SLC22A2: variants seen among roughly 807,000 people sequenced by gnomAD.
SLC22A2 encodes the protein organic cation transporter 2.
A neutral mutation model predicts 60.5 loss-of-function variants in SLC22A2; 46 were observed. The ratio of observed to expected loss-of-function variants is 0.76; its 90% CI spans 0.60 to 0.97. The LOEUF (loss-of-function observed/expected upper bound fraction) is 0.97, where lower values mean the gene tolerates loss of function less well. Ranked by LOEUF, SLC22A2 falls within the 50% of genes least tolerant of loss-of-function variation. The probability of loss-of-function intolerance (pLI) is 0.00; values close to 1 mark genes in which losing one functional copy is unlikely to be tolerated. For synonymous variants in SLC22A2, 303 were observed against 267.0 expected (o/e 1.13, Z -1.31); for missense variants, 701 against 706.6 (o/e 0.99, Z 0.09).
At chr6:160,221,387 A>G (rs763839117) in intron 10 of SLC22A2, among the ~76,000 whole-genome samples, 31 of 152,180 alleles carry the variant, frequency 2.0e-4, no homozygotes, top group Non-Finnish European at 3.5e-4. Flanking sequence ...GACCGGTTTG[A>G]TCTTCTATCC....
At chr6:160,243,513 G>T in intron 7 of SLC22A2, 59 bp downstream of exon 7, 1 of 1,239,296 alleles carries the variant, frequency 8.1e-7, no homozygotes, top group Non-Finnish European at 1.2e-6. Context: ...TCAATGGGCC[G>T]TGACACTCCC....
intron 6 of SLC22A2, 54 bp from the exon 7 acceptor site, chr6:160,243,840 A>G (rs1469309753): frequency 7.9e-7 from 1 of 1,259,270 alleles, no homozygotes; most frequent in African/African-American, 1.5e-5. Flanking sequence ...AGGGCACCAA[A>G]AAAGAGAGGC....
intron 4 of SLC22A2, among the ~76,000 whole-genome samples, chr6:160,247,753 G>A (rs776242529): frequency 1.3e-5 from 2 of 152,352 alleles, no homozygotes; most frequent in East Asian, 1.9e-4. Context: ...AGACTTCATA[G>A]TTTGAGTTTG....
At chr6:160,249,162 C>G (rs2114868438) in intron 4 of SLC22A2, 54 bp downstream of exon 4, 1 of 1,308,626 alleles carries the variant, frequency 7.6e-7, no homozygotes, top group Non-Finnish European at 1.1e-6. Context: ...AGGCAGACTT[C>G]TTAGCAGAAT....
intron 2 of SLC22A2, among the ~76,000 whole-genome samples, chr6:160,252,358 T>C (rs942134893): frequency 5.3e-5 from 8 of 152,174 alleles, no homozygotes; most frequent in Non-Finnish European, 1.0e-4. Flanking sequence ...TTTTAGGTGA[T>C]GAGAGGGAAT....
At chr6:160,238,408 C>T (rs1040844852) in intron 9 of SLC22A2, among the ~76,000 whole-genome samples, 2 of 152,212 alleles carry the variant, frequency 1.3e-5, no homozygotes, top group African/African-American at 4.8e-5. Context: ...CAGCTGGCAT[C>T]TGAATCTCTG....
At chr6:160,248,171 A>C (rs1783126816) in intron 4 of SLC22A2, among the ~76,000 whole-genome samples, 1 of 152,170 alleles carries the variant, frequency 6.6e-6, no homozygotes, top group Non-Finnish European at 1.5e-5. Flanking sequence ...TGTGGCAGGT[A>C]ATTAAGTTTA....
intron 4 of SLC22A2, among the ~76,000 whole-genome samples, chr6:160,248,992 T>A (rs1783139841): frequency 1.3e-5 from 2 of 152,122 alleles, no homozygotes; most frequent in South Asian, 4.1e-4. Context: ...AAGATCCAAG[T>A]CATAAAAACT....
intron 9 of SLC22A2, among the ~76,000 whole-genome samples, chr6:160,230,266 C>A (rs74673957): frequency 1.3e-5 from 2 of 151,966 alleles, no homozygotes; most frequent in Admixed American, 1.3e-4. Context: ...AGCCCTCCCC[C>A]ACCTGCCCAG....
chr6:160,233,074 C>A (rs1782850997), intron 9 of SLC22A2, among the ~76,000 whole-genome samples: 1 of 151,998 alleles, frequency 6.6e-6, no homozygotes, highest in Non-Finnish European at 1.5e-5. Context: ...TTCCACTACT[C>A]CCCAGGAATT....
At position 160,256,899 on chromosome 6, in the gene SLC22A2, TC is replaced by T. The variant is rs1783283096; in HGVS notation, c.415-183del. On this transcript the variant is annotated intron_variant, in intron 1 of 10. Transcript: ENST00000366953. ...CAATTTTCTTCTTCTTCTCTCTCTC[TC>T]TCTTTTTTTTTTTTTTTTGTGAGAC... Among the ~76,000 whole-genome samples, 5 of 143,524 alleles carry T rather than the reference TC, an allele frequency of 3.5e-5. 1 individual carries two copies. The highest frequency in any genetic ancestry group is 1.1e-4 in the African/African-American group (4 of 38,044). 94.2% of individuals were successfully genotyped at this position (143,524 alleles called of 152,430 possible). A position where few individuals can be genotyped will look rare whatever the true frequency, so the allele number is the denominator to read the frequency against.
chr6:160,217,315 A>G lies in SLC22A2; in HGVS notation c.*117T>C. Reference sequence around the variant, plus strand: ...CCACTGGCTGTAGACCTAGGTTGATAGGGCTCAGGGGTAAGTTTGGTTGAG... The same window carrying G: ...CCACTGGCTGTAGACCTAGGTTGATGGGGCTCAGGGGTAAGTTTGGTTGAG... On this transcript the variant is annotated 3_prime_UTR_variant, in exon 11 of 11. Coordinates refer to ENST00000366953, the MANE Select transcript of SLC22A2 (RefSeq NM_003058.4). The G allele has an allele frequency of 1.6e-6, 1 of 620,312 alleles. No homozygotes were observed. Among genetic ancestry groups the G allele is most frequent in the Non-Finnish European group, 2.8e-6 (1 of 352,674 alleles). 38.4% of individuals were successfully genotyped at this position (620,312 alleles called of 1,614,324 possible).
At chr6:160,229,940 C>T (rs755941869) in intron 9 of SLC22A2, among the ~76,000 whole-genome samples, 19 of 151,746 alleles carry the variant, frequency 1.3e-4, no homozygotes, top group Non-Finnish European at 1.8e-4. Context: ...AATGGGCAAA[C>T]GGTCTGAGGT....
At position 160,242,401 on chromosome 6, in the gene SLC22A2, A is replaced by G. The variant is rs1562435504; in HGVS notation, c.1281T>C (p.Asp427=). 2 of 1,528,870 alleles carry G rather than the reference A, an allele frequency of 1.3e-6. No individual in the cohort carries two copies. The highest frequency in any genetic ancestry group is 1.7e-4 in the Middle Eastern group (1 of 5,920). The allele number at this position is 1,528,870 out of a possible 1,614,324, so 94.7% of individuals were successfully genotyped here. Residue 427 remains aspartate (D), a splice_region_variant and synonymous_variant, in exon 8 of 11, where the codon GAT becomes GAC. Coordinates refer to ENST00000366953, the MANE Select transcript of SLC22A2 (RefSeq NM_003058.4). Reference sequence around the variant, plus strand: ...AGATAATAATTTTTAGCCATTGTAGATCTAAGAGGGAAAAGAACAGTACTT... The same window carrying G: ...AGATAATAATTTTTAGCCATTGTAGGTCTAAGAGGGAAAAGAACAGTACTT... ...ACLASVFIPG[D]LQWLKIIISC...
chr6:160,224,115 C>G (rs1782686147), intron 10 of SLC22A2, among the ~76,000 whole-genome samples: 1 of 152,172 alleles, frequency 6.6e-6, no homozygotes, highest in Admixed American at 6.5e-5. Flanking sequence ...CTACATTTCT[C>G]CCCATTCTTC....
intron 9 of SLC22A2, among the ~76,000 whole-genome samples, chr6:160,238,704 G>T (rs1782952016): frequency 6.6e-6 from 1 of 152,128 alleles, no homozygotes; most frequent in South Asian, 2.1e-4. Flanking sequence ...TCATACTAAA[G>T]GTTAGTGAGG....
At chr6:160,223,143 AG>A (rs1487125514) in intron 10 of SLC22A2, among the ~76,000 whole-genome samples, 1 of 152,230 alleles carries the variant, frequency 6.6e-6, no homozygotes, top group East Asian at 1.9e-4. Context: ...CCAAAAGTGG[AG>A]TAAGAAGAAA....
intron 1 of SLC22A2, among the ~76,000 whole-genome samples, 181 bp from the exon 2 acceptor site, chr6:160,256,898 C>CTATTT (rs1562439893): frequency 6.8e-6 from 1 of 146,014 alleles, no homozygotes; most frequent in African/African-American, 2.6e-5. Context: ...TTCTCTCTCT[C>CTATTT]TCTCTTTTTT....
At chr6:160,229,604 G>T (rs202201386) in intron 9 of SLC22A2, among the ~76,000 whole-genome samples, 1 of 151,412 alleles carries the variant, frequency 6.6e-6, no homozygotes, top group African/African-American at 2.4e-5. Flanking sequence ...TTCCTGGGGG[G>T]CAAGCACCTC....
Sources: gnomAD v4.1 joint callset for allele counts (sites outside exome capture counted in the v4.1 genomes callset) on GRCh38, gnomAD v4.1.1 for gene constraint, MANE v1.5 for transcripts, NCBI Gene and HGNC (gene_info 2026-07-23, HGNC 2026-07-21) for gene names.